Variants in BACH2 observed in about 807,000 individuals in gnomAD.
The protein encoded by BACH2 is BACH transcriptional regulator 2.
Under a neutral mutation model 61.8 loss-of-function variants are expected in BACH2, and 5 were observed. That is an observed-to-expected ratio of 0.08 (90% CI 0.04 to 0.17). The LOEUF (loss-of-function observed/expected upper bound fraction) is 0.17, where lower values mean the gene tolerates loss of function less well. BACH2 is among the 10% of genes least tolerant of loss of function. The pLI is 1.00. For synonymous variants in BACH2, 446 were observed against 440.1 expected (o/e 1.01, Z -0.17); for missense variants, 824 against 1,091.1 (o/e 0.76, Z 3.45).
At chr6:90,043,304 G>T (rs1475128639) in intron 5 of BACH2, among the ~76,000 whole-genome samples, 1 of 152,114 alleles carries the variant, frequency 6.6e-6, no homozygotes, top group Admixed American at 6.5e-5. Context: ...GGTCATGAGG[G>T]TTCTGTCTTC....
intron 1 of BACH2, among the ~76,000 whole-genome samples, chr6:90,272,380 T>C (rs1021701818): frequency 6.6e-6 from 1 of 152,092 alleles, no homozygotes; most frequent in Admixed American, 6.5e-5. Context: ...GCCCTGGGTT[T>C]TTCTCTCTCC....
chr6:90,293,457 C>T (rs539051340), intron 1 of BACH2, among the ~76,000 whole-genome samples: 1 of 152,282 alleles, frequency 6.6e-6, no homozygotes, highest in African/African-American at 2.4e-5. Context: ...GGCTTGAGCC[C>T]TTTTGTTGGC....
intron 4 of BACH2, among the ~76,000 whole-genome samples, chr6:90,146,030 T>G (rs192614679): frequency 1.3e-5 from 2 of 152,254 alleles, no homozygotes; most frequent in Non-Finnish European, 2.9e-5. Context: ...TGCTTTAAAA[T>G]TTTTACATTA....
rs535121170 is a variant in BACH2, at chr6:89,931,032, G to T, written c.*1376C>A. On this transcript the variant is annotated 3_prime_UTR_variant, in exon 9 of 9. Coordinates refer to ENST00000257749, the MANE Select transcript of BACH2 (RefSeq NM_021813.4). Reference sequence around the variant, plus strand: ...AGCCTGGGCAGGAAAGCCAGTGGCTGGTTGGCCCCGTCCTTCAGGGGAGCA... The same window carrying T: ...AGCCTGGGCAGGAAAGCCAGTGGCTTGTTGGCCCCGTCCTTCAGGGGAGCA... 6.6e-6 allele frequency: 1 copy of T among 152,402 alleles called. No individual in the cohort carries two copies. Among genetic ancestry groups the T allele is most frequent in the South Asian group, 2.1e-4 (1 of 4,836 alleles). The allele number at this position is 152,402 out of a possible 1,614,324, so 9.4% of individuals were successfully genotyped here. A position where few individuals can be genotyped will look rare whatever the true frequency, so the allele number is the denominator to read the frequency against.
chr6:90,007,725 T>C (rs1777487129), intron 6 of BACH2, among the ~76,000 whole-genome samples: 1 of 152,148 alleles, frequency 6.6e-6, no homozygotes, highest in African/African-American at 2.4e-5. Context: ...GGAATCTATT[T>C]GCAAAAACTA....
In BACH2 at chr6:90,077,632, G is replaced by A. The variant is rs549167340; in HGVS notation, c.-13+11329C>T. ...GGATGGTAGGACAGACTAAGAAAAG[G>A]AAAATTTGAAGAGGATTGAAAAACA... On this transcript the variant is annotated intron_variant, in intron 5 of 8. Transcript: ENST00000257749. Among the ~76,000 whole-genome samples the A allele has an allele frequency of 1.2e-3, 178 of 152,192 alleles. 1 individual carries two copies. The highest frequency in any genetic ancestry group is 1.8e-4 in the Non-Finnish European group (12 of 67,996).
At chr6:90,104,646 C>T (rs886930163) in intron 4 of BACH2, among the ~76,000 whole-genome samples, 1 of 152,200 alleles carries the variant, frequency 6.6e-6, no homozygotes, top group Non-Finnish European at 1.5e-5. Context: ...TCCAAGTGAG[C>T]TCCCAGGGTC....
intron 5 of BACH2, among the ~76,000 whole-genome samples, chr6:90,026,769 G>A (rs757724928): frequency 1.3e-4 from 20 of 152,324 alleles, no homozygotes; most frequent in Middle Eastern, 6.8e-3. Context: ...CAGAAATACA[G>A]CTTTCACAGA....
At chr6:90,127,893 G>A (rs1255323777) in intron 4 of BACH2, among the ~76,000 whole-genome samples, 2 of 152,214 alleles carry the variant, frequency 1.3e-5, no homozygotes, top group African/African-American at 2.4e-5. Flanking sequence ...GTAGCCACAT[G>A]TGTAAAAACT....
chr6:90,217,687 C>G (rs1393751358), intron 3 of BACH2, among the ~76,000 whole-genome samples: 1 of 152,054 alleles, frequency 6.6e-6, no homozygotes, highest in African/African-American at 2.4e-5. Context: ...CCAAACAAAG[C>G]TAATGCATGT....
intron 5 of BACH2, among the ~76,000 whole-genome samples, chr6:90,050,318 T>C (rs1218486646): frequency 2.0e-5 from 3 of 152,248 alleles, no homozygotes; most frequent in African/African-American, 7.2e-5. Context: ...TTCATTGATA[T>C]GGCTTTAGAT....
At chr6:89,968,471 C>A (rs1168482163) in intron 6 of BACH2, among the ~76,000 whole-genome samples, 3 of 152,174 alleles carry the variant, frequency 2.0e-5, no homozygotes, top group African/African-American at 7.2e-5. Context: ...AAGGCAATAA[C>A]ATTACATGTT....
chr6:90,014,161 G>A (rs1008153990), intron 5 of BACH2, among the ~76,000 whole-genome samples: 4 of 151,816 alleles, frequency 2.6e-5, no homozygotes, highest in Admixed American at 6.6e-5. Flanking sequence ...TGTTCAATAC[G>A]GAGATTTGTC....
intron 4 of BACH2, among the ~76,000 whole-genome samples, chr6:90,202,659 C>A (rs2127848146): frequency 6.6e-6 from 1 of 152,226 alleles, no homozygotes; most frequent in Admixed American, 6.5e-5. Context: ...ATGGAAAAAT[C>A]AATTATTTTT....
chr6:90,251,303 A>G (rs1014841696), intron 3 of BACH2, among the ~76,000 whole-genome samples: 4 of 152,200 alleles, frequency 2.6e-5, no homozygotes, highest in Admixed American at 2.0e-4. Flanking sequence ...GGAAATAAAG[A>G]AAAATCACAC....
chr6:90,003,907 C>A (rs1777268148), intron 6 of BACH2, among the ~76,000 whole-genome samples: 1 of 151,734 alleles, frequency 6.6e-6, no homozygotes, highest in African/African-American at 2.4e-5. Context: ...GACTTCACCC[C>A]TGTTTCCCAC....
intron 5 of BACH2, among the ~76,000 whole-genome samples, chr6:90,036,798 C>T (rs1779284810): frequency 6.6e-6 from 1 of 152,098 alleles, no homozygotes; most frequent in Admixed American, 6.6e-5. Flanking sequence ...TACATATACC[C>T]ATGTAAACCA....
At chr6:90,295,586 A>G (rs1772320765) in intron 1 of BACH2, among the ~76,000 whole-genome samples, 1 of 151,600 alleles carries the variant, frequency 6.6e-6, no homozygotes, top group African/African-American at 2.4e-5. Flanking sequence ...GGGGACGGGG[A>G]GGGCAGTGTC....
intron 1 of BACH2, among the ~76,000 whole-genome samples, chr6:90,291,858 TCTTTTCC>T (rs1005902051): frequency 6.6e-6 from 1 of 152,208 alleles, no homozygotes; most frequent in African/African-American, 2.4e-5. Flanking sequence ...AAGCTTGTCT[TCTTTTCC>T]AAAGAAATTC....
Sources: gnomAD v4.1 joint callset for allele counts (sites outside exome capture counted in the v4.1 genomes callset) on GRCh38, gnomAD v4.1.1 for gene constraint, MANE v1.5 for transcripts, NCBI Gene and HGNC (gene_info 2026-07-23, HGNC 2026-07-21) for gene names.